Variants in DNM3 observed in about 807,000 individuals in gnomAD.
The protein encoded by DNM3 is dynamin 3, also known as dynamin-3.
DNM3 carries 47 observed loss-of-function variants against 101.6 expected under a neutral mutation model. The ratio of observed to expected loss-of-function variants is 0.46; its 90% CI spans 0.37 to 0.59. The LOEUF is 0.59. DNM3 is among the 20% of genes least tolerant of loss of function. The pLI is 0.00. For missense variants in DNM3, 849 were observed against 1,085.7 expected, an observed-to-expected ratio of 0.78 and a Z score of 3.06; for synonymous variants, 385 against 387.9, an observed-to-expected ratio of 0.99 and a Z score of 0.09.
rs72723292 is a variant in DNM3, at chr1:172,403,889, T to C, written c.2523-3883T>C. ...CCCCAAAACAAACTGTCTTGTGAGG[T>C]GAATGCCTTTGGAAACTCTTTGAAT... On this transcript the variant is annotated intron_variant, in intron 20 of 20. Transcript: ENST00000627582. Among the ~76,000 whole-genome samples the C allele has an allele frequency of 3.4e-3, 510 of 152,236 alleles. 2 individuals are homozygous for C. Among genetic ancestry groups the C allele is most frequent in the Non-Finnish European group, 5.5e-3 (377 of 68,000 alleles).
intron 15 of DNM3, among the ~76,000 whole-genome samples, chr1:172,302,891 A>T (rs1185877033): frequency 6.6e-6 from 1 of 152,204 alleles, no homozygotes; most frequent in Non-Finnish European, 1.5e-5. Flanking sequence ...AACATCAAAG[A>T]CCACAGGTAG....
At chr1:172,358,335 A>G (rs2067556656) in intron 17 of DNM3, among the ~76,000 whole-genome samples, 1 of 152,102 alleles carries the variant, frequency 6.6e-6, no homozygotes, top group Non-Finnish European at 1.5e-5. Flanking sequence ...CTAAAGTAAA[A>G]GAAATAATTA....
At chr1:172,185,523 G>T (rs895748091) in intron 14 of DNM3, among the ~76,000 whole-genome samples, 2 of 152,036 alleles carry the variant, frequency 1.3e-5, no homozygotes, top group Admixed American at 6.6e-5. Context: ...GCTTGGCAGA[G>T]GAAAGGCTGA....
At position 172,337,365 on chromosome 1, in the gene DNM3, A is replaced by G. The variant is rs180829437; in HGVS notation, c.1893+14025A>G. ...CACATCTCAGTCGTTCTCTGCTGTT[A>G]TATTTTCTTAGATGAACATTCTCTA... is the stretch of plus-strand genomic sequence containing the variant. On this transcript the variant is annotated intron_variant, in intron 17 of 20. Coordinates refer to ENST00000627582, the MANE Select transcript of DNM3 (RefSeq NM_015569.5). 3.4e-3 allele frequency among the ~76,000 whole-genome samples: 513 copies of G among 152,302 alleles called. 7 individuals carry two copies. The highest frequency in any genetic ancestry group is 2.5e-3 in the Non-Finnish European group (170 of 68,022).
intron 14 of DNM3, among the ~76,000 whole-genome samples, chr1:172,197,194 C>T (rs1199673470): frequency 6.6e-6 from 1 of 151,772 alleles, no homozygotes; most frequent in Non-Finnish European, 1.5e-5. Flanking sequence ...TTTTTTTCAG[C>T]TTTGTCGAAG....
intron 15 of DNM3, among the ~76,000 whole-genome samples, chr1:172,274,723 G>GTTT (rs375210621): frequency 3.5e-4 from 41 of 117,010 alleles, no homozygotes; most frequent in South Asian, 8.9e-4. Context: ...TCTAGTGAAG[G>GTTT]TTTTTTTTTT....
chr1:172,251,714 C>G (rs1209773573), intron 14 of DNM3, among the ~76,000 whole-genome samples: 1 of 152,120 alleles, frequency 6.6e-6, no homozygotes, highest in African/African-American at 2.4e-5. Flanking sequence ...TGTGTTCCAT[C>G]TTTACAATGA....
At chr1:172,126,714 C>G (rs2056640037) in intron 13 of DNM3, among the ~76,000 whole-genome samples, 1 of 151,710 alleles carries the variant, frequency 6.6e-6, no homozygotes, top group Admixed American at 6.6e-5. Flanking sequence ...TTACACGGTA[C>G]CTGCTTTTTT....
At chr1:172,262,836 T>C (rs567601888) in intron 15 of DNM3, among the ~76,000 whole-genome samples, 108 of 152,216 alleles carry the variant, frequency 7.1e-4, no homozygotes, top group Non-Finnish European at 1.2e-3. Context: ...GTCTTTTCTC[T>C]GAGGATGTGA....
chr1:172,068,275 C>T (rs536703731), intron 10 of DNM3, among the ~76,000 whole-genome samples: 37 of 152,060 alleles, frequency 2.4e-4, no homozygotes, highest in Admixed American at 8.5e-4. Flanking sequence ...TTGCAGTGAG[C>T]TGAGATTGCG....
Position 172,412,136 on chromosome 1 carries a change from C to A in DNM3, c.*4295C>A. The A allele has an allele frequency of 1.0e-6, 1 of 985,594 alleles. No homozygotes were observed. The highest frequency in any genetic ancestry group is 1.2e-6 in the Non-Finnish European group (1 of 829,832). The allele number at this position is 985,594 out of a possible 1,614,324, so 61.1% of individuals were successfully genotyped here. A position where few individuals can be genotyped will look rare whatever the true frequency, so the allele number is the denominator to read the frequency against. On this transcript the variant is annotated 3_prime_UTR_variant, in exon 21 of 21. Transcript: ENST00000627582. The stretch of plus-strand genomic sequence containing the variant: ...TCAAAGAGGAGTGTTTGTCTTAAGA[C>A]CTGTTCATACTGGTATATTGGTGAG...
At chr1:172,145,491 T>C (rs1483442888) in intron 14 of DNM3, among the ~76,000 whole-genome samples, 1 of 151,922 alleles carries the variant, frequency 6.6e-6, no homozygotes, top group African/African-American at 2.4e-5. Context: ...ACTTGAACAG[T>C]AATTATAGCA....
intron 16 of DNM3, among the ~76,000 whole-genome samples, chr1:172,314,885 A>T (rs2148889548): frequency 6.6e-6 from 1 of 152,306 alleles, no homozygotes; most frequent in East Asian, 1.9e-4. Flanking sequence ...TGAAGAGAGC[A>T]GTGGTTCTCC....
intron 14 of DNM3, among the ~76,000 whole-genome samples, chr1:172,228,880 G>A (rs2061234510): frequency 6.6e-6 from 1 of 152,042 alleles, no homozygotes; most frequent in South Asian, 2.1e-4. Flanking sequence ...CACAAGTTGA[G>A]TCTAAAGTGT....
At position 172,268,353 on chromosome 1, in the gene DNM3, CG is replaced by C. The variant is rs1432976249; in HGVS notation, c.1769+14672del. On this transcript the variant is annotated intron_variant, in intron 15 of 20. Coordinates refer to ENST00000627582, the MANE Select transcript of DNM3 (RefSeq NM_015569.5). Reference sequence around the variant, plus strand: ...TTGGAAACAGAGATCTCTGTTTTTGCGTTTGTTCTTTTCCTTTGTTCTAGTC... The same window carrying C: ...TTGGAAACAGAGATCTCTGTTTTTGCTTTGTTCTTTTCCTTTGTTCTAGTC... Among the ~76,000 whole-genome samples, 3 of 150,786 alleles carry C rather than the reference CG, an allele frequency of 2.0e-5. No individual in the cohort carries two copies. In the East Asian group the frequency reaches 5.8e-4, roughly 29 times the overall value.
At chr1:172,084,593 AT>A (rs1207769062) in intron 12 of DNM3, among the ~76,000 whole-genome samples, 1 of 152,138 alleles carries the variant, frequency 6.6e-6, no homozygotes, top group African/African-American at 2.4e-5. Flanking sequence ...GGGTTGTGGT[AT>A]TTTTTGTGCT....
At chr1:171,877,519 A>G (rs1315472175) in intron 1 of DNM3, among the ~76,000 whole-genome samples, 1 of 152,202 alleles carries the variant, frequency 6.6e-6, no homozygotes, top group Non-Finnish European at 1.5e-5. Context: ...CTTGAGTTTC[A>G]CTTCGGCCTC....
chr1:171,989,493 T>C (rs991989654), intron 4 of DNM3, among the ~76,000 whole-genome samples: 3 of 152,138 alleles, frequency 2.0e-5, no homozygotes, highest in African/African-American at 7.2e-5. Flanking sequence ...TCAGACAATC[T>C]ACTAATTATT....
intron 14 of DNM3, among the ~76,000 whole-genome samples, chr1:172,249,050 A>T (rs1291021945): frequency 6.6e-6 from 1 of 152,164 alleles, no homozygotes; most frequent in African/African-American, 2.4e-5. Flanking sequence ...GAAACTCCCT[A>T]TGTATAAATT....
Sources: allele counts gnomAD v4.1 joint callset (sites outside exome capture counted in the v4.1 genomes callset), GRCh38; gene constraint gnomAD v4.1.1; transcripts MANE v1.5; gene names NCBI Gene and HGNC (gene_info 2026-07-23, HGNC 2026-07-21).